Variants in MAP2 observed in about 807,000 individuals in gnomAD.
The protein encoded by MAP2 is microtubule associated protein 2, also known as microtubule-associated protein 2.
Under a neutral mutation model 137.6 loss-of-function variants are expected in MAP2, and 14 were observed. The observed-to-expected ratio is 0.10, with a 90% CI of 0.07 to 0.16. MAP2 has a LOEUF of 0.16. Ranked by LOEUF, MAP2 falls within the 10% of genes least tolerant of loss-of-function variation. MAP2 has a pLI of 1.00. For missense variants in MAP2, 2,088 were observed against 2,191.5 expected (o/e 0.95, Z 0.94); for synonymous variants, 786 against 782.3 (o/e 1.00, Z -0.08).
intron 3 of MAP2, among the ~76,000 whole-genome samples, chr2:209,585,915 G>A (rs1399567396): frequency 6.6e-6 from 1 of 152,146 alleles, no homozygotes; most frequent in Non-Finnish European, 1.5e-5. Context: ...CAGCATCTGT[G>A]AAAGGCACTT....
intron 5 of MAP2, among the ~76,000 whole-genome samples, chr2:209,656,590 C>T (rs2153620034): frequency 6.6e-6 from 1 of 152,050 alleles, no homozygotes; most frequent in East Asian, 1.9e-4. Context: ...ATTATTTGCT[C>T]AACTGTAGCA....
At chr2:209,573,624 G>A (rs947206754) in intron 2 of MAP2, among the ~76,000 whole-genome samples, 1 of 152,144 alleles carries the variant, frequency 6.6e-6, no homozygotes, top group African/African-American at 2.4e-5. Context: ...CTGAGTTATT[G>A]AGATATAATT....
intron 1 of MAP2, among the ~76,000 whole-genome samples, chr2:209,490,539 G>T (rs186620181): frequency 7.3e-6 from 1 of 136,940 alleles, no homozygotes; most frequent in East Asian, 2.4e-4. Context: ...GACCCATCTC[G>T]TGTGCAAAGA....
chr2:209,552,851 ACTCTGT>A (rs1028636849), intron 2 of MAP2, among the ~76,000 whole-genome samples: 67 of 152,076 alleles, frequency 4.4e-4, no homozygotes, highest in African/African-American at 1.6e-3. Flanking sequence ...ACAGAGCATG[ACTCTGT>A]CTCAAAAAGA....
At chr2:209,542,380 T>G (rs1198694771) in intron 2 of MAP2, among the ~76,000 whole-genome samples, 1 of 152,220 alleles carries the variant, frequency 6.6e-6, no homozygotes, top group Non-Finnish European at 1.5e-5. Context: ...AGCATCATTC[T>G]TACGGGCCCT....
chr2:209,556,042 CTTT>C (rs766218011), intron 2 of MAP2, among the ~76,000 whole-genome samples: 3 of 108,486 alleles, frequency 2.8e-5, no homozygotes, highest in African/African-American at 3.4e-5. Context: ...TTTTTCTTTT[CTTT>C]TTTTTTTTTT....
rs1228232293 is a variant in MAP2, at chr2:209,648,621, C to CAAAAAAAAAAAAAAA, written c.-29-4514_-29-4500dup. Among the ~76,000 whole-genome samples, 2 of 51,054 alleles carry CAAAAAAAAAAAAAAA rather than the reference C, an allele frequency of 3.9e-5. 1 individual carries two copies. Among genetic ancestry groups the CAAAAAAAAAAAAAAA allele is most frequent in the African/African-American group, 1.1e-4 (2 of 17,744 alleles). 33.5% of individuals were successfully genotyped at this position (51,054 alleles called of 152,430 possible). ...TGAAACCCCTTCTCTACTAAAAATA[C>CAAAAAAAAAAAAAAA]AAAAAAAAAAAAAAAAAAAAAGCCA... On this transcript the variant is annotated intron_variant, in intron 4 of 15. Transcript: ENST00000682079.
chr2:209,566,508 TTCCAAAGC>T (rs2073443422), intron 2 of MAP2, among the ~76,000 whole-genome samples: 1 of 152,166 alleles, frequency 6.6e-6, no homozygotes, highest in Non-Finnish European at 1.5e-5. Flanking sequence ...CTCTATTTGT[TTCCAAAGC>T]TCTTCATCCT....
chr2:209,653,061 C>T (rs2254169), intron 4 of MAP2, 81 bp from the exon 5 acceptor site: 1,131,542 of 1,131,614 alleles, frequency 1, 565,735 homozygotes, highest in Middle Eastern at 1. Flanking sequence ...CGGTTTGCTA[C>T]AAATTTTTCC....
chr2:209,721,257 C>T lies in MAP2; in HGVS notation c.5074-4452C>T, dbSNP rs78071093. On this transcript the variant is annotated intron_variant, in intron 13 of 15. Transcript: ENST00000682079. ...CTTCTTTCTACCCTACCATTAAGCG[C>T]GATGGAAAACAAAGGTCTAGAGAGG... Among the ~76,000 whole-genome samples the T allele has an allele frequency of 7.5e-3, 1,140 of 152,082 alleles. 17 individuals are homozygous for T. Among genetic ancestry groups the T allele is most frequent in the African/African-American group, 0.026 (1,060 of 41,482 alleles).
intron 1 of MAP2, among the ~76,000 whole-genome samples, chr2:209,432,766 C>G (rs955291938): frequency 6.6e-6 from 1 of 152,098 alleles, no homozygotes; most frequent in East Asian, 1.9e-4. Context: ...GCATATTGGT[C>G]TTCCTCTGAA....
At chr2:209,607,726 T>G (rs2085283012) in intron 3 of MAP2, among the ~76,000 whole-genome samples, 2 of 152,222 alleles carry the variant, frequency 1.3e-5, no homozygotes, top group Admixed American at 1.3e-4. Flanking sequence ...TGAGCGACTG[T>G]GCCCGGCCTG....
intron 5 of MAP2, among the ~76,000 whole-genome samples, chr2:209,655,042 T>C (rs2095055915): frequency 6.6e-6 from 1 of 152,224 alleles, no homozygotes; most frequent in South Asian, 2.1e-4. Context: ...CACCATTCAC[T>C]ATTTCATCTG....
chr2:209,446,991 C>T (rs974723957), intron 1 of MAP2, among the ~76,000 whole-genome samples: 1 of 151,918 alleles, frequency 6.6e-6, no homozygotes, highest in Non-Finnish European at 1.5e-5. Context: ...TTACCTAGGA[C>T]CTCTAAGGCC....
intron 1 of MAP2, among the ~76,000 whole-genome samples, chr2:209,463,030 C>T (rs533326465): frequency 2.2e-4 from 33 of 151,992 alleles, no homozygotes; most frequent in African/African-American, 7.5e-4. Flanking sequence ...CACACATGCA[C>T]GAGTAACTTG....
Position 209,695,168 on chromosome 2 carries a change from T to G in MAP2, c.2998T>G (p.Leu1000Val), listed in dbSNP as rs1345095526. The stretch of plus-strand genomic sequence containing the variant: ...ATTAGGAGTAACCTATGAGCAAGCT[T>G]TGGCCAAAGATTTGTCAATACCAAC... The part of the protein sequence containing the change: ...FGLGVTYEQA[L>V]AKDLSIPTDA... The change falls in exon 8 of 16, where the codon TTG (leucine) becomes GTG (valine). Residue 1000 changes from leucine to valine, a missense_variant. Transcript: ENST00000682079. The G allele has an allele frequency of 6.2e-7, 1 of 1,614,140 alleles. No homozygotes were observed. The highest frequency in any genetic ancestry group is 8.5e-7 in the Non-Finnish European group (1 of 1,180,014).
At chr2:209,460,851 T>A (rs1702613297) in intron 1 of MAP2, among the ~76,000 whole-genome samples, 2 of 151,670 alleles carry the variant, frequency 1.3e-5, no homozygotes, top group Non-Finnish European at 2.9e-5. Flanking sequence ...CGGGTTCAAG[T>A]GATTCTCCTG....
chr2:209,476,662 C>G (rs1181412946), intron 1 of MAP2, among the ~76,000 whole-genome samples: 2 of 152,146 alleles, frequency 1.3e-5, no homozygotes, highest in African/African-American at 4.8e-5. Flanking sequence ...ATTAAGTGCT[C>G]TTCATTTTCT....
chr2:209,693,635 C>T lies in MAP2; in HGVS notation c.1465C>T (p.Pro489Ser). Residue 489 changes from proline to serine, a missense_variant, in exon 8 of 16, where the codon CCT (proline) becomes TCT (serine). By Grantham distance (74) the Pro-to-Ser change is moderately conservative. Transcript: ENST00000682079. ...HTFSEQKDQE[P>S]TTDMLKQDSF... The stretch of plus-strand genomic sequence containing the variant: ...TTTCTCAGAACAGAAAGACCAAGAG[C>T]CTACCACAGATATGTTGAAACAGGA... The T allele has an allele frequency of 1.2e-6, 2 of 1,613,842 alleles. No homozygotes were observed. The highest frequency in any genetic ancestry group is 1.1e-5 in the South Asian group (1 of 91,076).
Sources: gnomAD v4.1 joint callset for allele counts (sites outside exome capture counted in the v4.1 genomes callset) on GRCh38, gnomAD v4.1.1 for gene constraint, MANE v1.5 for transcripts, NCBI Gene and HGNC (gene_info 2026-07-23, HGNC 2026-07-21) for gene names.